Variants in DENND1B observed in about 807,000 individuals in gnomAD.
The protein encoded by DENND1B is DENN domain-containing protein 1B.
In DENND1B, 59 loss-of-function variants were observed where a neutral mutation model predicts 90.1. That is an observed-to-expected ratio of 0.65 (90% CI 0.53 to 0.81). DENND1B has a LOEUF of 0.81. Among genes scored for constraint, DENND1B ranks in the 40% least tolerant of loss-of-function variants. DENND1B has a pLI of 0.00. For missense variants in DENND1B, 862 were observed against 912.6 expected (o/e 0.94, Z 0.71); for synonymous variants, 337 against 324.6 (o/e 1.04, Z -0.41).
rs557790234 is a variant in DENND1B at position 197,753,672 on chromosome 1, A to G, written c.82+19196T>C. On this transcript the variant is annotated intron_variant, in intron 2 of 22. Coordinates refer to ENST00000620048, the MANE Select transcript of DENND1B (RefSeq NM_001195215.2). ...AGTGATATATGGGAAAACTCTTTAC[A>G]TGCAATTTTGCTATGAACCAAAAAC... 7.2e-5 allele frequency among the ~76,000 whole-genome samples: 11 copies of G among 152,210 alleles called. No homozygotes were observed. In the South Asian group the frequency reaches 1.9e-3, roughly 26 times the overall value.
intron 2 of DENND1B, chr1:197,746,878 G>A: frequency 3.7e-6 from 6 of 1,612,204 alleles, no homozygotes; most frequent in Non-Finnish European, 5.1e-6. Context: ...AGTTGTGGCA[G>A]GCAACTGCTT....
At chr1:197,550,678 G>C (rs1421411536) in intron 16 of DENND1B, among the ~76,000 whole-genome samples, 2 of 151,422 alleles carry the variant, frequency 1.3e-5, no homozygotes, top group Non-Finnish European at 2.9e-5. Context: ...GAGGGGGGGG[G>C]GGAGGGATAG....
chr1:197,579,599 A>T (rs1674014132), intron 15 of DENND1B, among the ~76,000 whole-genome samples: 1 of 152,110 alleles, frequency 6.6e-6, no homozygotes, highest in African/African-American at 2.4e-5. Context: ...TATCCTTTCA[A>T]CTACTGTCTC....
chr1:197,642,395 A>G (rs1376153488), intron 10 of DENND1B, among the ~76,000 whole-genome samples: 2 of 152,196 alleles, frequency 1.3e-5, no homozygotes, highest in Non-Finnish European at 2.9e-5. Context: ...CAAGTGAATA[A>G]TAAAAATCTC....
At chr1:197,642,604 T>C (rs1288511028) in intron 10 of DENND1B, 107 bp downstream of exon 10, 2 of 667,276 alleles carry the variant, frequency 3.0e-6, no homozygotes, top group South Asian at 2.4e-5. Context: ...CGTATGTAGA[T>C]ATTGTCTTAT....
intron 10 of DENND1B, among the ~76,000 whole-genome samples, chr1:197,631,939 G>T (rs949617129): frequency 1.3e-5 from 2 of 152,094 alleles, no homozygotes; most frequent in East Asian, 3.9e-4. Context: ...ATTTGGTAAA[G>T]ACTTGTCCTG....
intron 15 of DENND1B, among the ~76,000 whole-genome samples, chr1:197,561,738 A>G (rs939498483): frequency 3.3e-5 from 5 of 151,842 alleles, no homozygotes; most frequent in African/African-American, 7.2e-5. Flanking sequence ...CCCAATCTCA[A>G]TTTTAATTGA....
intron 10 of DENND1B, among the ~76,000 whole-genome samples, chr1:197,637,051 CAT>C (rs1177048851): frequency 6.6e-6 from 1 of 151,870 alleles, no homozygotes; most frequent in African/African-American, 2.4e-5. Flanking sequence ...TATGTGAAAA[CAT>C]ATAAATATAG....
chr1:197,562,175 G>A (rs1306615562), intron 15 of DENND1B, among the ~76,000 whole-genome samples: 1 of 151,828 alleles, frequency 6.6e-6, no homozygotes, highest in African/African-American at 2.4e-5. Context: ...TTTGTTATTA[G>A]AAATAAAAGT....
chr1:197,588,640 GA>G (rs1221363933), intron 14 of DENND1B, among the ~76,000 whole-genome samples: 1 of 152,062 alleles, frequency 6.6e-6, no homozygotes, highest in Admixed American at 6.6e-5. Context: ...TAAAATATCT[GA>G]AAGACTCTGC....
Position 197,582,296 on chromosome 1 carries a change from T to C in DENND1B, c.1149+856A>G, listed in dbSNP as rs546401075. On this transcript the variant is annotated intron_variant, in intron 15 of 22. Coordinates refer to ENST00000620048, the MANE Select transcript of DENND1B (RefSeq NM_001195215.2). Reference sequence around the variant, plus strand: ...CTAATTTGAAGGTTATTTTGAGTGATATAGTATCTTCCCTTCTAACAGTTC... The same window carrying C: ...CTAATTTGAAGGTTATTTTGAGTGACATAGTATCTTCCCTTCTAACAGTTC... Among the ~76,000 whole-genome samples the C allele has an allele frequency of 7.6e-4, 116 of 152,288 alleles. 1 individual carries two copies. The highest frequency in any genetic ancestry group is 2.7e-3 in the African/African-American group (113 of 41,582).
intron 2 of DENND1B, among the ~76,000 whole-genome samples, chr1:197,742,263 T>C (rs1365030374): frequency 6.6e-6 from 1 of 152,188 alleles, no homozygotes; most frequent in Non-Finnish European, 1.5e-5. Context: ...CTAATTCTCA[T>C]CATTACCATA....
intron 6 of DENND1B, among the ~76,000 whole-genome samples, chr1:197,655,571 G>A (rs1283166801): frequency 6.7e-6 from 1 of 148,292 alleles, no homozygotes; most frequent in Non-Finnish European, 1.5e-5. Context: ...TCGCTCTGTC[G>A]CCCAGGCTGG....
chr1:197,771,719 C>T (rs1656641035), intron 2 of DENND1B, among the ~76,000 whole-genome samples: 1 of 152,196 alleles, frequency 6.6e-6, no homozygotes, highest in Non-Finnish European at 1.5e-5. Flanking sequence ...GCAGACTTTC[C>T]TCCAAGGCTT....
chr1:197,679,862 T>C (rs1223769024), intron 3 of DENND1B, among the ~76,000 whole-genome samples: 1 of 149,508 alleles, frequency 6.7e-6, no homozygotes, highest in Non-Finnish European at 1.5e-5. Flanking sequence ...TTCAAAGTTA[T>C]GCCCCAGCCA....
intron 5 of DENND1B, among the ~76,000 whole-genome samples, chr1:197,664,450 T>C (rs1396898909): frequency 6.6e-6 from 1 of 152,106 alleles, no homozygotes; most frequent in African/African-American, 2.4e-5. Context: ...AATTGTAAGA[T>C]CATTTCCTTA....
upstream of DENND1B, among the ~76,000 whole-genome samples, chr1:197,777,036 T>G (rs1046755885): frequency 8.5e-5 from 13 of 152,282 alleles, no homozygotes; most frequent in African/African-American, 3.1e-4. Context: ...CAAACTATAC[T>G]ACATAAGTTT....
At chr1:197,714,955 G>T in intron 3 of DENND1B, 76 bp downstream of exon 3, 2 of 1,073,508 alleles carry the variant, frequency 1.9e-6, no homozygotes, top group Non-Finnish European at 2.8e-6. Flanking sequence ...AGTTATACTA[G>T]CAACAGCAGC....
intron 20 of DENND1B, among the ~76,000 whole-genome samples, chr1:197,520,398 G>T (rs1668690091): frequency 6.6e-6 from 1 of 151,866 alleles, no homozygotes; most frequent in Non-Finnish European, 1.5e-5. Flanking sequence ...TAAACTTTTT[G>T]ATCATAGATG....
Sources: allele counts gnomAD v4.1 joint callset (sites outside exome capture counted in the v4.1 genomes callset), GRCh38; gene constraint gnomAD v4.1.1; transcripts MANE v1.5; gene names NCBI Gene and HGNC (gene_info 2026-07-23, HGNC 2026-07-21).